The following PPP2R2B variants were observed in gnomAD, a reference collection of about 807,000 sequenced individuals.
PPP2R2B encodes serine/threonine-protein phosphatase 2A 55 kDa regulatory subunit B beta isoform.
A neutral mutation model predicts 46.0 loss-of-function variants in PPP2R2B; 5 were observed. That is an observed-to-expected ratio of 0.11 (90% CI 0.06 to 0.23). The LOEUF (loss-of-function observed/expected upper bound fraction) is 0.23, where lower values mean the gene tolerates loss of function less well. PPP2R2B is among the 10% of genes least tolerant of loss of function. The pLI is 1.00. For synonymous variants in PPP2R2B, 215 were observed against 206.7 expected (o/e 1.04, Z -0.34); for missense variants, 367 against 575.0 (o/e 0.64, Z 3.70).
intron 1 of PPP2R2B, among the ~76,000 whole-genome samples, chr5:146,954,440 C>A (rs1218108708): frequency 6.6e-6 from 1 of 152,066 alleles, no homozygotes; most frequent in East Asian, 1.9e-4. Flanking sequence ...TGTTCTCACT[C>A]ATAAGTGGGA....
At chr5:146,876,129 G>C (rs185297114) in intron 2 of PPP2R2B, among the ~76,000 whole-genome samples, 3 of 152,160 alleles carry the variant, frequency 2.0e-5, no homozygotes, top group African/African-American at 7.2e-5. Flanking sequence ...AGAAATCTGA[G>C]AGGTTGATTC....
At chr5:146,739,881 C>T (rs534884272) in intron 2 of PPP2R2B, among the ~76,000 whole-genome samples, 65 of 152,240 alleles carry the variant, frequency 4.3e-4, no homozygotes, top group African/African-American at 1.5e-3. Flanking sequence ...TGTGGGAATC[C>T]TTTGTAGATT....
chr5:146,912,913 G>T (rs999615729), intron 1 of PPP2R2B, among the ~76,000 whole-genome samples: 1 of 152,164 alleles, frequency 6.6e-6, no homozygotes, highest in Non-Finnish European at 1.5e-5. Context: ...AAAAAGACTA[G>T]TCCAAGCTCT....
chr5:146,847,885 C>G (rs777578846), intron 2 of PPP2R2B, among the ~76,000 whole-genome samples: 43 of 152,198 alleles, frequency 2.8e-4, no homozygotes, highest in Non-Finnish European at 1.6e-4. Flanking sequence ...GCAGGGGATA[C>G]GAGCTCCTGC....
chr5:146,645,372 G>C (rs1775513381), intron 6 of PPP2R2B, among the ~76,000 whole-genome samples: 1 of 152,166 alleles, frequency 6.6e-6, no homozygotes, highest in South Asian at 2.1e-4. Flanking sequence ...TTAAAAAAAA[G>C]TCAATGTGTA....
At chr5:146,930,661 C>A (rs1763939219) in intron 1 of PPP2R2B, among the ~76,000 whole-genome samples, 1 of 152,232 alleles carries the variant, frequency 6.6e-6, no homozygotes, top group East Asian at 1.9e-4. Context: ...AGTGTCAACT[C>A]AGAGGATAAG....
chr5:146,878,802 C>A, upstream of PPP2R2B: 2 of 1,275,516 alleles, frequency 1.6e-6, no homozygotes, highest in Admixed American at 2.5e-5. The surrounding 1 kb of genome is among the most constrained non-coding windows in gnomAD (Gnocchi z 4.5). Flanking sequence ...GAGGCTCCTC[C>A]CAACCGCGTC....
At chr5:146,767,147 C>G (rs966408672) in intron 2 of PPP2R2B, among the ~76,000 whole-genome samples, 4 of 144,950 alleles carry the variant, frequency 2.8e-5, no homozygotes, top group African/African-American at 1.0e-4. Context: ...CCAGACTTCA[C>G]TAAATGTTTA....
At chr5:146,708,907 G>T (rs574079139) in intron 2 of PPP2R2B, among the ~76,000 whole-genome samples, 1 of 152,274 alleles carries the variant, frequency 6.6e-6, no homozygotes, top group East Asian at 1.9e-4. Flanking sequence ...CTATGTTTGA[G>T]TTCCTGATTC....
intron 1 of PPP2R2B, among the ~76,000 whole-genome samples, chr5:147,012,670 T>C (rs1385089894): frequency 6.6e-6 from 1 of 151,644 alleles, no homozygotes; most frequent in African/African-American, 2.4e-5. Flanking sequence ...AATTGTGATG[T>C]TAGGGTGTCA....
rs530459988 is a variant in PPP2R2B, at chr5:146,930,489, G to A, written c.79+125176C>T. 2.0e-5 allele frequency among the ~76,000 whole-genome samples: 3 copies of A among 152,286 alleles called. No individual in the cohort carries two copies. The East Asian group carries it at 5.8e-4, about 29-fold the overall frequency. ...AGAAGAGAGGCCCTGGAGGGATTGT[G>A]GCAATGGCCCAGTGGTCTGGATGGG... On this transcript the variant is annotated intron_variant, in intron 1 of 8. Coordinates refer to the PPP2R2B transcript ENST00000336640.
intron 2 of PPP2R2B, among the ~76,000 whole-genome samples, chr5:146,775,724 C>T (rs907333365): frequency 2.0e-5 from 3 of 151,772 alleles, no homozygotes; most frequent in Non-Finnish European, 4.4e-5. Context: ...ATTTAAAAAC[C>T]TTAAGAACAC....
At position 146,604,340 on chromosome 5, in the gene PPP2R2B, G is replaced by C. The variant is rs1258321530; in HGVS notation, c.791-3880C>G. Among the ~76,000 whole-genome samples, 3 of 152,318 alleles carry C rather than the reference G, an allele frequency of 2.0e-5. No individual in the cohort carries two copies. In the East Asian group the frequency reaches 5.8e-4, roughly 29 times the overall value. ...GAACAACAGTATCTGGTGCCTGAGTGATAGAACTTAGGACAAATCAACACT... is the reference window on the plus strand; with the variant it reads ...GAACAACAGTATCTGGTGCCTGAGTCATAGAACTTAGGACAAATCAACACT... On this transcript the variant is annotated intron_variant, in intron 7 of 9. Coordinates refer to ENST00000394411, the MANE Select transcript of PPP2R2B (RefSeq NM_181675.4).
At chr5:146,818,355 C>CA (rs113412098) in intron 2 of PPP2R2B, among the ~76,000 whole-genome samples, 4,149 of 144,068 alleles carry the variant, frequency 0.029, 169 homozygotes, top group African/African-American at 0.089. Context: ...AAATTCACTG[C>CA]AAAAAAAAAA....
chr5:146,703,295 A>C (rs1489409669), intron 2 of PPP2R2B, among the ~76,000 whole-genome samples: 1 of 152,170 alleles, frequency 6.6e-6, no homozygotes, highest in Non-Finnish European at 1.5e-5. Flanking sequence ...AAGGCTCTTG[A>C]ACTGCTCAAA....
chr5:146,927,843 C>G (rs938003511), intron 1 of PPP2R2B, among the ~76,000 whole-genome samples: 3 of 151,942 alleles, frequency 2.0e-5, no homozygotes, highest in Admixed American at 1.3e-4. Context: ...AAGCGATTCT[C>G]CTGCCTACTC....
rs1561544307 is a variant in PPP2R2B, at chr5:146,964,041, A to ATG, written c.79+91622_79+91623dup. ...TTCTCCAGGCATGTAGGCCATCCAA[A>ATG]TGTAGCCCTTAAGTCAGCTGGACAC... On this transcript the variant is annotated intron_variant, in intron 1 of 8. Coordinates refer to the PPP2R2B transcript ENST00000336640. Among the ~76,000 whole-genome samples the ATG allele has an allele frequency of 5.3e-5, 8 of 152,328 alleles. No individual in the cohort carries two copies. The South Asian group carries it at 1.7e-3, about 32-fold the overall frequency.
intron 6 of PPP2R2B, 131 bp from the exon 7 acceptor site, chr5:146,638,546 T>C (rs1276282148): frequency 5.9e-6 from 5 of 841,336 alleles, no homozygotes; most frequent in Non-Finnish European, 6.9e-6. Context: ...TAGATCCTCA[T>C]CATAAACTTG....
intron 1 of PPP2R2B, among the ~76,000 whole-genome samples, chr5:147,036,583 A>G (rs893616665): frequency 6.6e-6 from 1 of 152,194 alleles, no homozygotes; most frequent in African/African-American, 2.4e-5. Context: ...ACTTTGAGGA[A>G]TTGCCACACT....
Sources: allele counts gnomAD v4.1 joint callset (sites outside exome capture counted in the v4.1 genomes callset), GRCh38; gene constraint gnomAD v4.1.1; non-coding constraint Gnocchi (gnomAD v3.1); transcripts MANE v1.5; gene names NCBI Gene and HGNC (gene_info 2026-07-23, HGNC 2026-07-21).